Variants in CSMD1 observed in about 807,000 individuals in gnomAD.
CSMD1 encodes CUB and sushi domain-containing protein 1.
CSMD1 carries 213 observed loss-of-function variants against 417.5 expected under a neutral mutation model. That is an observed-to-expected ratio of 0.51 (90% CI 0.46 to 0.57). The LOEUF is 0.57. Ranked by LOEUF, CSMD1 falls within the 20% of genes least tolerant of loss-of-function variation. The probability of loss-of-function intolerance (pLI) is 0.00; values close to 1 mark genes in which losing one functional copy is unlikely to be tolerated. For synonymous variants in CSMD1, 2,862 were observed against 1,736.8 expected (o/e 1.65, Z -16.11); for missense variants, 6,923 against 4,529.7 (o/e 1.53, Z -15.17).
At chr8:4,274,472 C>T (rs1440152311) in intron 3 of CSMD1, among the ~76,000 whole-genome samples, 1 of 152,102 alleles carries the variant, frequency 6.6e-6, no homozygotes, top group Admixed American at 6.6e-5. Context: ...GTCGTAATGG[C>T]ATTAATTGAA....
intron 3 of CSMD1, among the ~76,000 whole-genome samples, chr8:4,068,536 A>G (rs1799378099): frequency 6.6e-6 from 1 of 152,232 alleles, no homozygotes; most frequent in South Asian, 2.1e-4. Context: ...AAATGCAGAA[A>G]CATAAAATGT....
At chr8:3,521,819 C>G (rs1325772389) in intron 10 of CSMD1, among the ~76,000 whole-genome samples, 1 of 152,194 alleles carries the variant, frequency 6.6e-6, no homozygotes, top group Non-Finnish European at 1.5e-5. Flanking sequence ...TACACACCTT[C>G]TTAGCTTTAA....
chr8:4,428,286 T>G (rs982105595), intron 2 of CSMD1, among the ~76,000 whole-genome samples: 1 of 152,224 alleles, frequency 6.6e-6, no homozygotes, highest in Non-Finnish European at 1.5e-5. Flanking sequence ...GGACAGCTTG[T>G]ACCAAGACAA....
At chr8:3,634,753 AGTTTGAT>A (rs1364158720) in intron 7 of CSMD1, among the ~76,000 whole-genome samples, 163 of 152,308 alleles carry the variant, frequency 1.1e-3, no homozygotes, top group African/African-American at 3.7e-3. Flanking sequence ...TAAGGCACAC[AGTTTGAT>A]TGCTTACCCA....
At chr8:3,309,043 G>A (rs1847270) in intron 23 of CSMD1, among the ~76,000 whole-genome samples, 137,520 of 152,100 alleles carry the variant, frequency 0.9, 62,460 homozygotes, top group Middle Eastern at 0.96. Flanking sequence ...CTTGTTTTCC[G>A]GAGTTCCACA....
At chr8:4,886,444 G>T (rs1170804676) in intron 1 of CSMD1, among the ~76,000 whole-genome samples, 4 of 152,064 alleles carry the variant, frequency 2.6e-5, no homozygotes, top group African/African-American at 7.2e-5. Flanking sequence ...ATTCATAAAA[G>T]ATATTGGTCT....
chr8:3,940,803 A>G (rs960099677), intron 5 of CSMD1, among the ~76,000 whole-genome samples: 2 of 151,882 alleles, frequency 1.3e-5, no homozygotes, highest in South Asian at 2.1e-4. Context: ...TATTAAGACT[A>G]TAACAAATAT....
intron 54 of CSMD1, among the ~76,000 whole-genome samples, chr8:2,980,973 C>G (rs1378730082): frequency 6.6e-6 from 1 of 152,186 alleles, no homozygotes; most frequent in Non-Finnish European, 1.5e-5. Context: ...ATGGAAGAAG[C>G]ATGGATACAA....
At chr8:3,115,648 TCA>T (rs1390482738) in intron 42 of CSMD1, among the ~76,000 whole-genome samples, 2 of 152,348 alleles carry the variant, frequency 1.3e-5, no homozygotes, top group African/African-American at 2.4e-5. Flanking sequence ...TAATTTCAGA[TCA>T]CAGTTTTTCA....
chr8:3,621,979 GTGTGTGTGTGTA>G (rs1796269285), intron 7 of CSMD1, among the ~76,000 whole-genome samples: 1 of 123,454 alleles, frequency 8.1e-6, no homozygotes, highest in Non-Finnish European at 1.7e-5. Context: ...CTCTCTCTTT[GTGTGTGTGTGTA>G]TGTGTGTGTG....
chr8:4,132,318 G>C (rs1040935911), intron 3 of CSMD1, among the ~76,000 whole-genome samples: 3 of 150,740 alleles, frequency 2.0e-5, no homozygotes, highest in East Asian at 2.0e-4. Flanking sequence ...GACTGAGCAA[G>C]ACACAAAGGA....
chr8:3,510,530 A>C (rs1210433019), intron 10 of CSMD1, among the ~76,000 whole-genome samples: 1 of 151,866 alleles, frequency 6.6e-6, no homozygotes, highest in Non-Finnish European at 1.5e-5. Context: ...AAGGTCTTTA[A>C]AGAGGTCAAA....
intron 16 of CSMD1, 139 bp from the exon 17 acceptor site, chr8:3,396,520 C>G: frequency 4.9e-6 from 3 of 608,290 alleles, no homozygotes; most frequent in Admixed American, 6.8e-5. Flanking sequence ...ATGCTTAAAA[C>G]TTGGGTACAA....
chr8:3,672,862 C>T (rs1378762127), intron 7 of CSMD1, among the ~76,000 whole-genome samples: 1 of 152,188 alleles, frequency 6.6e-6, no homozygotes, highest in Non-Finnish European at 1.5e-5. Context: ...TTCTACTCCT[C>T]CTTCAGGTTT....
intron 10 of CSMD1, among the ~76,000 whole-genome samples, chr8:3,521,686 G>T (rs762718468): frequency 6.6e-6 from 1 of 152,106 alleles, no homozygotes; most frequent in Admixed American, 6.5e-5. Context: ...GATGTTAAAG[G>T]TCATCAACCA....
At position 4,791,056 on chromosome 8, in the gene CSMD1, T is replaced by C. The variant is rs376237913; in HGVS notation, c.86-153498A>G. 3.3e-4 allele frequency among the ~76,000 whole-genome samples: 49 copies of C among 148,022 alleles called. No homozygotes were observed. The East Asian group carries it at 8.0e-3, about 24-fold the overall frequency. On this transcript the variant is annotated intron_variant, in intron 1 of 69. Coordinates refer to ENST00000635120, the MANE Select transcript of CSMD1 (RefSeq NM_033225.6). ...AGAGTAAATGGGAAACACAAGCTAG[T>C]AGGGAGAGAGACGGTGAGAGAGACG... is the stretch of plus-strand genomic sequence containing the variant.
intron 3 of CSMD1, among the ~76,000 whole-genome samples, chr8:4,078,314 T>TTC (rs1799939889): frequency 1.3e-5 from 1 of 79,276 alleles, no homozygotes; most frequent in South Asian, 3.5e-4. Context: ...GATATCCAAC[T>TTC]TTTTTTTTTT....
chr8:3,405,639 G>A (rs1412752609), intron 15 of CSMD1, among the ~76,000 whole-genome samples: 1 of 152,056 alleles, frequency 6.6e-6, no homozygotes, highest in African/African-American at 2.4e-5. Context: ...CAATATGATT[G>A]TGTCCTTTTA....
chr8:3,409,772 C>G (rs566344481), intron 12 of CSMD1, among the ~76,000 whole-genome samples, 167 bp from the exon 13 acceptor site: 25 of 152,150 alleles, frequency 1.6e-4, no homozygotes, highest in African/African-American at 5.3e-4. Flanking sequence ...ATTTCAAATA[C>G]CAGAAAAAGA....
Sources: allele counts gnomAD v4.1 joint callset (sites outside exome capture counted in the v4.1 genomes callset), GRCh38; gene constraint gnomAD v4.1.1; transcripts MANE v1.5; gene names NCBI Gene and HGNC (gene_info 2026-07-23, HGNC 2026-07-21).